Variants in CCDC91 observed in about 807,000 individuals in gnomAD.
CCDC91 encodes the protein coiled-coil domain-containing protein 91.
CCDC91 carries 48 observed loss-of-function variants against 63.2 expected under a neutral mutation model. The ratio of observed to expected loss-of-function variants is 0.76; its 90% CI spans 0.60 to 0.97. The LOEUF (loss-of-function observed/expected upper bound fraction) is 0.97, where lower values mean the gene tolerates loss of function less well. Ranked by LOEUF, CCDC91 falls within the 50% of genes least tolerant of loss-of-function variation. The pLI, the probability that CCDC91 is intolerant of heterozygous loss-of-function variation, is 0.00. For missense variants in CCDC91, 500 were observed against 494.6 expected, an observed-to-expected ratio of 1.01 and a Z score of -0.10; for synonymous variants, 167 against 165.8, an observed-to-expected ratio of 1.01 and a Z score of -0.06.
At chr12:28,394,164 T>TA (rs1946124054) in intron 8 of CCDC91, among the ~76,000 whole-genome samples, 1 of 152,138 alleles carries the variant, frequency 6.6e-6, no homozygotes, top group Non-Finnish European at 1.5e-5. Flanking sequence ...GCTTTTTAAG[T>TA]GCTACTTAAA....
chr12:28,235,051 A>G (rs1361504236), intron 1 of CCDC91, among the ~76,000 whole-genome samples: 8 of 152,148 alleles, frequency 5.3e-5, no homozygotes, highest in Non-Finnish European at 1.2e-4. Flanking sequence ...CCACATGGCT[A>G]GTTTGGGCTT....
chr12:28,195,117 AGCTGATTGGTCCATTTTACAGAGT>A (rs1426807806), intron 1 of CCDC91, among the ~76,000 whole-genome samples: 4 of 150,798 alleles, frequency 2.7e-5, no homozygotes, highest in African/African-American at 9.8e-5. Context: ...ATTTACAGAG[AGCTGATTGGTCCATTTTACAGAGT>A]GCTGATTGGT....
chr12:28,218,699 TTGTGTGTGTG>T (rs60247849), intron 1 of CCDC91, among the ~76,000 whole-genome samples: 3 of 146,628 alleles, frequency 2.0e-5, no homozygotes, highest in East Asian at 2.0e-4. Flanking sequence ...TTGCAGATGT[TTGTGTGTGTG>T]TGTGTGTGTG....
At chr12:28,385,932 G>C (rs1258636562) in intron 7 of CCDC91, among the ~76,000 whole-genome samples, 1 of 152,202 alleles carries the variant, frequency 6.6e-6, no homozygotes, top group Non-Finnish European at 1.5e-5. Flanking sequence ...TGTATTAACA[G>C]TTGGGGTGGT....
chr12:28,204,241 G>A (rs149207320), intron 1 of CCDC91, among the ~76,000 whole-genome samples: 2,069 of 152,116 alleles, frequency 0.014, 18 homozygotes, highest in Middle Eastern at 0.051. Context: ...TTGCATCTTC[G>A]GGTTCTTACG....
At chr12:28,410,942 T>G (rs1947280525) in intron 8 of CCDC91, among the ~76,000 whole-genome samples, 1 of 152,200 alleles carries the variant, frequency 6.6e-6, no homozygotes, top group African/African-American at 2.4e-5. Context: ...CCTCATGTTT[T>G]TTTGCTTCCT....
chr12:28,520,299 A>T (rs977989459), intron 12 of CCDC91, among the ~76,000 whole-genome samples: 1 of 151,820 alleles, frequency 6.6e-6, no homozygotes, highest in African/African-American at 2.4e-5. Context: ...TGTGGTTTTG[A>T]TTTGCATTTT....
At chr12:28,263,065 A>G (rs1163778545) in intron 3 of CCDC91, among the ~76,000 whole-genome samples, 1 of 151,856 alleles carries the variant, frequency 6.6e-6, no homozygotes, top group African/African-American at 2.4e-5. Flanking sequence ...TGATTGTATT[A>G]CTTACCTCAT....
At chr12:28,416,900 A>G (rs1373570748) in intron 8 of CCDC91, among the ~76,000 whole-genome samples, 1 of 152,180 alleles carries the variant, frequency 6.6e-6, no homozygotes, top group African/African-American at 2.4e-5. Flanking sequence ...ATATATGATT[A>G]TGGACATAAA....
chr12:28,226,619 A>G (rs1944287793), intron 1 of CCDC91, among the ~76,000 whole-genome samples: 1 of 152,190 alleles, frequency 6.6e-6, no homozygotes, highest in Admixed American at 6.6e-5. Flanking sequence ...CAGAAACCTC[A>G]TACCTTTTAT....
intron 3 of CCDC91, among the ~76,000 whole-genome samples, chr12:28,275,488 C>T (rs1948144917): frequency 6.6e-6 from 1 of 151,920 alleles, no homozygotes; most frequent in South Asian, 2.1e-4. Context: ...AATAGCTTAC[C>T]AACCAAAAAA....
At chr12:28,400,690 C>T (rs147929931) in intron 8 of CCDC91, among the ~76,000 whole-genome samples, 1,813 of 152,258 alleles carry the variant, frequency 0.012, 38 homozygotes, top group African/African-American at 0.042. Flanking sequence ...CAAGTCACCA[C>T]TTGAATGCTT....
chr12:28,491,893 G>GTT (rs1952028222), intron 12 of CCDC91, among the ~76,000 whole-genome samples: 1 of 141,724 alleles, frequency 7.1e-6, no homozygotes, highest in Non-Finnish European at 1.6e-5. Flanking sequence ...GTGTGTGTGT[G>GTT]TGTGAAGGTG....
chr12:28,231,912 C>G (rs1022485168), intron 1 of CCDC91, among the ~76,000 whole-genome samples: 1 of 152,110 alleles, frequency 6.6e-6, no homozygotes, highest in Non-Finnish European at 1.5e-5. Context: ...AGGAACTTGG[C>G]ATTGAACACT....
At chr12:28,363,988 G>T (rs1295278313) in intron 7 of CCDC91, among the ~76,000 whole-genome samples, 15 of 149,424 alleles carry the variant, frequency 1.0e-4, no homozygotes, top group African/African-American at 3.2e-4. Flanking sequence ...TTCACCTAGG[G>T]TATTAAAATA....
Position 28,305,662 on chromosome 12 carries a change from T to C in CCDC91, c.123T>C (p.His41=). The C allele has an allele frequency of 6.2e-7, 1 of 1,611,816 alleles. No homozygotes were observed. The highest frequency in any genetic ancestry group is 8.5e-7 in the Non-Finnish European group (1 of 1,178,750). The change falls in exon 4 of 13, where the codon CAT becomes CAC. Residue 41 remains histidine (H), a synonymous_variant. Coordinates refer to ENST00000536442, the MANE Select transcript of CCDC91 (RefSeq NM_018318.5). ...GTTTTTCTTTAGTATCTGGAGTCCA[T>C]CTTTCACCATCTTCTCCTGAGATTG... is the stretch of plus-strand genomic sequence containing the variant. The part of the protein sequence containing the change: ...WAAFPAVSGV[H]LSPSSPEIVL...
At chr12:28,197,861 C>A (rs1048322834) in intron 1 of CCDC91, among the ~76,000 whole-genome samples, 14 of 152,106 alleles carry the variant, frequency 9.2e-5, no homozygotes, top group African/African-American at 2.9e-4. Flanking sequence ...ATATGCCATA[C>A]AATTTTACTT....
chr12:28,364,461 A>G (rs1344243061), intron 7 of CCDC91, among the ~76,000 whole-genome samples: 2 of 152,228 alleles, frequency 1.3e-5, no homozygotes, highest in African/African-American at 2.4e-5. Flanking sequence ...AATGTTTTTA[A>G]TATTTTTTCT....
intron 8 of CCDC91, among the ~76,000 whole-genome samples, chr12:28,429,684 G>C (rs1361599724): frequency 1.3e-5 from 2 of 151,980 alleles, no homozygotes; most frequent in East Asian, 3.9e-4. Flanking sequence ...GAAATAGTAT[G>C]AGTTAAAAAT....
Sources: gnomAD v4.1 joint callset for allele counts (sites outside exome capture counted in the v4.1 genomes callset) on GRCh38, gnomAD v4.1.1 for gene constraint, MANE v1.5 for transcripts, NCBI Gene and HGNC (gene_info 2026-07-23, HGNC 2026-07-21) for gene names.